AKAP7: variants seen among roughly 807,000 people sequenced by gnomAD.
AKAP7 encodes the protein A-kinase anchoring protein 7.
Under a neutral mutation model 39.5 loss-of-function variants are expected in AKAP7, and 39 were observed. That is an observed-to-expected ratio of 0.99 (90% CI 0.76 to 1.29). AKAP7 has a LOEUF of 1.29. AKAP7 is among the 50% of genes most tolerant of loss of function. AKAP7 has a pLI of 0.00. For missense variants in AKAP7, 414 were observed against 407.7 expected (o/e 1.02, Z -0.13); for synonymous variants, 140 against 139.1 (o/e 1.01, Z -0.05).
chr6:131,158,913 G>C (rs1584972303), intron 2 of AKAP7, among the ~76,000 whole-genome samples: 1 of 108,172 alleles, frequency 9.2e-6, no homozygotes, highest in South Asian at 2.5e-4. Flanking sequence ...GATAGAATCT[G>C]TTAAAAAAAA....
intron 7 of AKAP7, among the ~76,000 whole-genome samples, chr6:131,244,884 C>G (rs1811875990): frequency 6.6e-6 from 1 of 152,044 alleles, no homozygotes; most frequent in African/African-American, 2.4e-5. Context: ...AATTGTATAG[C>G]ATATGGCAGT....
intron 6 of AKAP7, among the ~76,000 whole-genome samples, chr6:131,201,343 A>G: frequency 6.6e-6 from 1 of 152,216 alleles, no homozygotes; most frequent in East Asian, 1.9e-4. Flanking sequence ...AGTGGTGATC[A>G]AAATAGAAAC....
In AKAP7 at chr6:131,169,209, A is replaced by C. The variant is rs751430615; in HGVS notation, c.525A>C (p.Gly175=). The C allele has an allele frequency of 6.2e-7, 1 of 1,614,140 alleles. No individual in the cohort carries two copies. Among genetic ancestry groups the C allele is most frequent in the Admixed American group, 1.7e-5 (1 of 60,026 alleles). ...CCTTTCAAGGGATTGGTACTTTTGGAAATCAGGTTGGATTTGTGAAGCTGG... is the reference window on the plus strand; with the variant it reads ...CCTTTCAAGGGATTGGTACTTTTGGCAATCAGGTTGGATTTGTGAAGCTGG... ...TLPFQGIGTF[G]NQVGFVKLAE... The change falls in exon 5 of 8, where the codon GGA becomes GGC. Residue 175 remains glycine (G), a synonymous_variant. Coordinates refer to ENST00000431975, the MANE Select transcript of AKAP7 (RefSeq NM_016377.4).
At chr6:131,190,852 AT>A (rs540244789) in intron 5 of AKAP7, among the ~76,000 whole-genome samples, 41 of 152,140 alleles carry the variant, frequency 2.7e-4, no homozygotes, top group African/African-American at 9.6e-4. Context: ...GATTTTTTTG[AT>A]GTTGATTGGG....
intron 3 of AKAP7, among the ~76,000 whole-genome samples, chr6:131,162,495 A>G (rs779371997): frequency 3.3e-5 from 5 of 152,162 alleles, no homozygotes; most frequent in Non-Finnish European, 4.4e-5. Context: ...CAGGTGTAAA[A>G]TGAGGTGGGT....
intron 1 of AKAP7, among the ~76,000 whole-genome samples, chr6:131,144,394 GAAT>G (rs1801311363): frequency 6.6e-6 from 1 of 152,228 alleles, no homozygotes; most frequent in African/African-American, 2.4e-5. Flanking sequence ...TATTACAAGA[GAAT>G]GAATTAAAGG....
intron 5 of AKAP7, among the ~76,000 whole-genome samples, chr6:131,183,559 T>C (rs1562192967): frequency 6.6e-6 from 1 of 151,824 alleles, no homozygotes; most frequent in Non-Finnish European, 1.5e-5. Flanking sequence ...CCTTCCCCTC[T>C]CCCCACAAAA....
intron 7 of AKAP7, among the ~76,000 whole-genome samples, chr6:131,225,573 ATT>A (rs1165618772): frequency 6.6e-6 from 1 of 152,126 alleles, no homozygotes; most frequent in African/African-American, 2.4e-5. Flanking sequence ...ATAGGTGAAA[ATT>A]TCTCTTATGA....
At position 131,279,018 on chromosome 6, in the gene AKAP7, C is replaced by T. The variant is rs533488421; in HGVS notation, c.851-2512C>T. Among the ~76,000 whole-genome samples the T allele has an allele frequency of 2.6e-5, 4 of 152,020 alleles. No individual in the cohort carries two copies. The South Asian group carries it at 6.2e-4, about 24-fold the overall frequency. On this transcript the variant is annotated intron_variant, in intron 7 of 7. Coordinates refer to ENST00000431975, the MANE Select transcript of AKAP7 (RefSeq NM_016377.4). ...GCCAGGAAAGGCAAATTTTGGAAAG[C>T]CTTGGCAGACAGACGTTTCTCTGTA...
intron 2 of AKAP7, among the ~76,000 whole-genome samples, chr6:131,159,380 A>C (rs924925194): frequency 6.6e-6 from 1 of 152,224 alleles, no homozygotes; most frequent in Non-Finnish European, 1.5e-5. Context: ...GGCGTGAGCC[A>C]CCGAGCCTGG....
chr6:131,179,906 AT>A (rs1235029721), intron 5 of AKAP7, among the ~76,000 whole-genome samples: 3 of 152,018 alleles, frequency 2.0e-5, no homozygotes, highest in African/African-American at 7.2e-5. Flanking sequence ...TAATAAATAA[AT>A]AAATAAGTTG....
At chr6:131,174,604 G>A (rs1247514414) in intron 5 of AKAP7, among the ~76,000 whole-genome samples, 1 of 152,190 alleles carries the variant, frequency 6.6e-6, no homozygotes, top group East Asian at 1.9e-4. Flanking sequence ...AAAAAAGAAT[G>A]CCTTAGGATT....
intron 5 of AKAP7, among the ~76,000 whole-genome samples, chr6:131,195,860 C>T (rs1215112791): frequency 6.6e-6 from 1 of 152,096 alleles, no homozygotes; most frequent in Non-Finnish European, 1.5e-5. Flanking sequence ...TTACTTGCTG[C>T]TTTTAGGATC....
Position 131,194,991 on chromosome 6 carries a change from T to G in AKAP7, c.590-4470T>G, listed in dbSNP as rs769317953. Among the ~76,000 whole-genome samples the G allele has an allele frequency of 2.9e-4, 44 of 152,164 alleles. 1 individual carries two copies. The highest frequency in any genetic ancestry group is 6.2e-4 in the South Asian group (3 of 4,834). On this transcript the variant is annotated intron_variant, in intron 5 of 7. Coordinates refer to ENST00000431975, the MANE Select transcript of AKAP7 (RefSeq NM_016377.4). ...TTGAATCTTGTCTTTTTAAATCCATTGAGCCACTCTGTGTCTTTTTATTGG... is the reference window on the plus strand; with the variant it reads ...TTGAATCTTGTCTTTTTAAATCCATGGAGCCACTCTGTGTCTTTTTATTGG...
intron 5 of AKAP7, among the ~76,000 whole-genome samples, chr6:131,191,650 G>T (rs1270243978): frequency 6.6e-6 from 1 of 152,176 alleles, no homozygotes; most frequent in Non-Finnish European, 1.5e-5. Context: ...TGGGATAGGT[G>T]TGTCATCAGT....
intron 5 of AKAP7, among the ~76,000 whole-genome samples, chr6:131,183,017 C>T (rs1305627564): frequency 1.3e-5 from 2 of 151,986 alleles, no homozygotes; most frequent in East Asian, 1.9e-4. Context: ...TTTAAAAAAA[C>T]CACCGTCATG....
chr6:131,156,664 A>C (rs1562869667), intron 2 of AKAP7, among the ~76,000 whole-genome samples: 1 of 152,068 alleles, frequency 6.6e-6, no homozygotes, highest in African/African-American at 2.4e-5. Flanking sequence ...AAATAACAAA[A>C]AAAGAACTGT....
At chr6:131,261,644 T>C (rs1457928487) in intron 7 of AKAP7, among the ~76,000 whole-genome samples, 1 of 152,190 alleles carries the variant, frequency 6.6e-6, no homozygotes, top group African/African-American at 2.4e-5. Context: ...AATTTGAATA[T>C]TGAAAGACAT....
chr6:131,271,313 T>C (rs1814254046), intron 7 of AKAP7, among the ~76,000 whole-genome samples: 1 of 152,206 alleles, frequency 6.6e-6, no homozygotes, highest in Non-Finnish European at 1.5e-5. Flanking sequence ...GCAAAGATTA[T>C]TCTTTTTTAA....
Sources: gnomAD v4.1 joint callset for allele counts (sites outside exome capture counted in the v4.1 genomes callset) on GRCh38, gnomAD v4.1.1 for gene constraint, MANE v1.5 for transcripts, NCBI Gene and HGNC (gene_info 2026-07-23, HGNC 2026-07-21) for gene names.